Variants in ATRNL1 observed in about 807,000 individuals in gnomAD.
ATRNL1 encodes the protein attractin-like protein 1.
ATRNL1 carries 95 observed loss-of-function variants against 182.7 expected under a neutral mutation model. That is an observed-to-expected ratio of 0.52 (90% confidence interval 0.44 to 0.62). The LOEUF is 0.62. Ranked by LOEUF, ATRNL1 falls within the 20% of genes least tolerant of loss-of-function variation. The probability of loss-of-function intolerance (pLI) is 0.00; values close to 1 mark genes in which losing one functional copy is unlikely to be tolerated. For missense variants in ATRNL1, 1,471 were observed against 1,679.5 expected (o/e 0.88, Z 2.17); for synonymous variants, 576 against 568.3 (o/e 1.01, Z -0.19).
At chr10:115,406,824 T>A (rs1416011728) in intron 20 of ATRNL1, among the ~76,000 whole-genome samples, 1 of 152,122 alleles carries the variant, frequency 6.6e-6, no homozygotes, top group East Asian at 1.9e-4. Flanking sequence ...TTCATGCCAA[T>A]TTGTATGTCT....
chr10:115,788,383 T>C (rs1390092045), intron 27 of ATRNL1, among the ~76,000 whole-genome samples: 1 of 138,784 alleles, frequency 7.2e-6, no homozygotes, highest in African/African-American at 3.4e-5. Flanking sequence ...CTGTAAACAT[T>C]CATATTTCTT....
chr10:115,841,386 T>C (rs1199310069), intron 27 of ATRNL1, among the ~76,000 whole-genome samples: 3 of 151,906 alleles, frequency 2.0e-5, no homozygotes, highest in Non-Finnish European at 2.9e-5. Flanking sequence ...TACATATGAG[T>C]GTGTGTGTTT....
chr10:115,879,731 T>G (rs890528018), intron 28 of ATRNL1, among the ~76,000 whole-genome samples: 13 of 152,224 alleles, frequency 8.5e-5, no homozygotes, highest in Non-Finnish European at 1.6e-4. Context: ...TGTGAGTTTT[T>G]TTTAAGGGAA....
intron 28 of ATRNL1, 108 bp downstream of exon 28, chr10:115,848,099 T>C (rs1589599513): frequency 1.5e-6 from 1 of 659,896 alleles, no homozygotes; most frequent in South Asian, 1.8e-5. Flanking sequence ...AAGGTTCTAA[T>C]TTAGAGCATG....
At chr10:115,212,070 G>T (rs1467517495) in intron 8 of ATRNL1, among the ~76,000 whole-genome samples, 1 of 151,040 alleles carries the variant, frequency 6.6e-6, no homozygotes, top group African/African-American at 2.4e-5. Flanking sequence ...CTCAATGCAG[G>T]TTTGTTATGT....
At chr10:115,859,882 C>T (rs1555103079) in intron 28 of ATRNL1, among the ~76,000 whole-genome samples, 1 of 152,164 alleles carries the variant, frequency 6.6e-6, no homozygotes, top group Non-Finnish European at 1.5e-5. Context: ...CTCCTTAAGA[C>T]CACAGTGATC....
chr10:115,388,829 CAAAT>C (rs1245505134), intron 19 of ATRNL1, among the ~76,000 whole-genome samples: 2 of 151,794 alleles, frequency 1.3e-5, no homozygotes, highest in Non-Finnish European at 2.9e-5. Flanking sequence ...TTTTAATTGA[CAAAT>C]AATAATTATA....
chr10:115,154,769 C>T (rs1554881655), intron 5 of ATRNL1, among the ~76,000 whole-genome samples: 4 of 152,066 alleles, frequency 2.6e-5, no homozygotes, highest in Non-Finnish European at 1.5e-5. Flanking sequence ...CTGTCTAATG[C>T]TGAGAGTAGG....
intron 18 of ATRNL1, among the ~76,000 whole-genome samples, chr10:115,320,957 CT>C (rs1485298899): frequency 6.6e-6 from 1 of 152,080 alleles, no homozygotes; most frequent in Non-Finnish European, 1.5e-5. Flanking sequence ...GCGCTTTGGC[CT>C]TTGGGTTTTT....
chr10:115,688,379 G>T (rs1289130850), intron 26 of ATRNL1, among the ~76,000 whole-genome samples: 1 of 152,054 alleles, frequency 6.6e-6, no homozygotes. Flanking sequence ...AGTTTTATGA[G>T]AAACCTCTCT....
intron 9 of ATRNL1, among the ~76,000 whole-genome samples, chr10:115,239,189 C>T (rs1564843116): frequency 1.3e-5 from 2 of 151,472 alleles, no homozygotes; most frequent in African/African-American, 4.9e-5. Context: ...ATAGTATTTT[C>T]TTGTTTTGTA....
chr10:115,272,278 G>A (rs1209630704), intron 13 of ATRNL1, among the ~76,000 whole-genome samples: 1 of 152,124 alleles, frequency 6.6e-6, no homozygotes, highest in Non-Finnish European at 1.5e-5. Flanking sequence ...AATACTGAAA[G>A]ACGCCATAAG....
chr10:115,752,486 G>A (rs1555070858), intron 27 of ATRNL1, among the ~76,000 whole-genome samples: 1 of 151,920 alleles, frequency 6.6e-6, no homozygotes, highest in East Asian at 1.9e-4. Context: ...TAAGAATGAG[G>A]GTAACAGACA....
At chr10:115,775,790 A>G (rs1005151446) in intron 27 of ATRNL1, among the ~76,000 whole-genome samples, 3 of 49,766 alleles carry the variant, frequency 6.0e-5, no homozygotes, top group Non-Finnish European at 1.2e-4. Context: ...CCCCGACTCT[A>G]CTAAAAAAAA....
chr10:115,548,293 G>T (rs1554994458), intron 25 of ATRNL1, among the ~76,000 whole-genome samples: 1 of 151,340 alleles, frequency 6.6e-6, no homozygotes, highest in Non-Finnish European at 1.5e-5. Flanking sequence ...AATTGACATT[G>T]TTGTTATCGT....
chr10:115,272,942 T>G (rs1554913694), intron 13 of ATRNL1, among the ~76,000 whole-genome samples: 1 of 152,170 alleles, frequency 6.6e-6, no homozygotes, highest in East Asian at 1.9e-4. Context: ...AGTTTACTGA[T>G]GGCAGTTATG....
intron 10 of ATRNL1, among the ~76,000 whole-genome samples, chr10:115,250,380 T>C (rs1850823654): frequency 6.6e-6 from 1 of 152,188 alleles, no homozygotes; most frequent in East Asian, 1.9e-4. Flanking sequence ...TGCATTGTGA[T>C]TCTTTCACTG....
chr10:115,526,778 G>A (rs1851239371), intron 25 of ATRNL1, among the ~76,000 whole-genome samples: 2 of 152,166 alleles, frequency 1.3e-5, no homozygotes, highest in African/African-American at 4.8e-5. Flanking sequence ...TGGGAGAAGG[G>A]AGGGGAGATA....
At chr10:115,329,431 C>G (rs1435738526) in intron 18 of ATRNL1, among the ~76,000 whole-genome samples, 1 of 151,856 alleles carries the variant, frequency 6.6e-6, no homozygotes, top group Non-Finnish European at 1.5e-5. Context: ...TCAGTGTTTC[C>G]CCATATATTT....
Sources: gnomAD v4.1 joint callset for allele counts (sites outside exome capture counted in the v4.1 genomes callset) on GRCh38, gnomAD v4.1.1 for gene constraint, MANE v1.5 for transcripts, NCBI Gene and HGNC (gene_info 2026-07-23, HGNC 2026-07-21) for gene names.